BROX: variants seen among roughly 807,000 people sequenced by gnomAD.
The protein encoded by BROX is BRO1 domain-containing protein BROX.
A neutral mutation model predicts 61.0 loss-of-function variants in BROX; 53 were observed. The observed-to-expected ratio is 0.87, with a 90% CI of 0.70 to 1.09. The LOEUF is 1.09. Ranked by LOEUF, BROX falls within the 50% of genes least tolerant of loss-of-function variation. The pLI is 0.00. For synonymous variants in BROX, 152 were observed against 160.2 expected, an observed-to-expected ratio of 0.95 and a Z score of 0.38; for missense variants, 489 against 472.0, an observed-to-expected ratio of 1.04 and a Z score of -0.33.
intron 6 of BROX, 80 bp downstream of exon 6, chr1:222,724,244 GA>G: frequency 4.3e-6 from 5 of 1,159,298 alleles, no homozygotes; most frequent in Non-Finnish European, 6.2e-6. Context: ...AGGATATGGG[GA>G]AAGAATTGTT....
At chr1:222,725,191 C>G (rs1657409525) in intron 6 of BROX, among the ~76,000 whole-genome samples, 1 of 152,178 alleles carries the variant, frequency 6.6e-6, no homozygotes, top group South Asian at 2.1e-4. Context: ...GATAGTGTGA[C>G]TTGCGTATCT....
At chr1:222,717,992 C>A (rs1195854657) in intron 2 of BROX, 2 of 152,158 alleles carry the variant, frequency 1.3e-5, no homozygotes, top group Non-Finnish European at 2.9e-5. Flanking sequence ...GGAAGCCTCA[C>A]TAAGCTAATT....
chr1:222,733,322 C>G lies in BROX; in HGVS notation c.*608C>G, dbSNP rs1472695392. 6.6e-6 allele frequency: 1 copy of G among 152,302 alleles called. No homozygotes were observed. The highest frequency in any genetic ancestry group is 1.5e-5 in the Non-Finnish European group (1 of 68,206). The allele number at this position is 152,302 out of a possible 1,614,324, so 9.4% of individuals were successfully genotyped here. Reference sequence around the variant, plus strand: ...TCTCGAACTCCTGACCTCAGCTGATCTGCCCGCCTTGGCCTCCCAAAGTGC... The same window carrying G: ...TCTCGAACTCCTGACCTCAGCTGATGTGCCCGCCTTGGCCTCCCAAAGTGC... On this transcript the variant is annotated 3_prime_UTR_variant, in exon 13 of 13. Transcript: ENST00000340934.
chr1:222,732,541 C>G, intron 12 of BROX, 87 bp from the exon 13 acceptor site: 1 of 906,882 alleles, frequency 1.1e-6, no homozygotes, highest in African/African-American at 1.7e-5. Context: ...AATATAGCAT[C>G]TTTTAAAAGT....
rs1253694854 is a variant in BROX at position 222,725,516 on chromosome 1, G to C, written c.541G>C (p.Glu181Gln). 1 of 1,613,174 alleles carries C rather than the reference G, an allele frequency of 6.2e-7. No individual in the cohort carries two copies. The highest frequency in any genetic ancestry group is 1.7e-5 in the Admixed American group (1 of 59,856). ...KGRDLESRLI[E>Q]AYVIQCQAEA... ...AAGAGATTTAGAGTCACGACTCATAGAAGCATACGTTATTCAATGTCAGGC... is the reference window on the plus strand; with the variant it reads ...AAGAGATTTAGAGTCACGACTCATACAAGCATACGTTATTCAATGTCAGGC... Residue 181 changes from glutamate (E) to glutamine (Q), a missense_variant, in exon 7 of 13, where the codon GAA (glutamate) becomes CAA (glutamine). Coordinates refer to ENST00000340934, the MANE Select transcript of BROX (RefSeq NM_144695.4).
rs1656164774 is a variant in BROX, at chr1:222,712,866, CTT to C, written c.-89_-88del. 3.9e-6 allele frequency: 5 copies of C among 1,271,728 alleles called. No individual in the cohort carries two copies. The South Asian group carries it at 6.3e-5, about 16-fold the overall frequency. The allele number at this position is 1,271,728 out of a possible 1,614,324, so 78.8% of individuals were successfully genotyped here. ...TGTAGTCTCGGTTCTCCGACTCCCT[CTT>C]TTTCTCGCTTGTGGACTCCGATATA... On this transcript the variant is annotated 5_prime_UTR_variant, in exon 1 of 13. Coordinates refer to ENST00000340934, the MANE Select transcript of BROX (RefSeq NM_144695.4).
At position 222,731,481 on chromosome 1, in the gene BROX, G is replaced by T; in HGVS notation, c.1114G>T (p.Ala372Ser). The change falls in exon 12 of 13, where the codon GCA (alanine) becomes TCA (serine). Residue 372 changes from alanine (A) to serine (S), a missense_variant. By Grantham distance (99) the Ala-to-Ser change is moderately conservative. Coordinates refer to ENST00000340934, the MANE Select transcript of BROX (RefSeq NM_144695.4). The part of the protein sequence containing the change: ...SVQWTPETLA[A>S]FDLTKRPKDD... Reference sequence around the variant, plus strand: ...TCAGTGGACACCAGAAACATTGGCTGCATTTGATCTCACCAAAAGACCCAA... The same window carrying T: ...TCAGTGGACACCAGAAACATTGGCTTCATTTGATCTCACCAAAAGACCCAA... 6.3e-7 allele frequency: 1 copy of T among 1,599,768 alleles called. No homozygotes were observed. The highest frequency in any genetic ancestry group is 8.5e-7 in the Non-Finnish European group (1 of 1,176,016).
intron 5 of BROX, 150 bp downstream of exon 5, chr1:222,722,664 C>A: frequency 1.6e-6 from 1 of 629,390 alleles, no homozygotes; most frequent in Non-Finnish European, 2.7e-6. Flanking sequence ...AGAATTATGG[C>A]ACCTAGCGTT....
Position 222,729,627 on chromosome 1 carries a change from G to A in BROX, c.764G>A (p.Cys255Tyr), listed in dbSNP as rs776006106. The change falls in exon 10 of 13, where the codon TGT (cysteine) becomes TAT (tyrosine). Residue 255 changes from cysteine (C) to tyrosine (Y), a missense_variant. By Grantham distance (194) the Cys-to-Tyr change is radical (BLOSUM62 -2). Coordinates refer to ENST00000340934, the MANE Select transcript of BROX (RefSeq NM_144695.4). ...ATTTGTTTATTTCATCAGGCTTACT[G>A]TTACCATGGTGAGACTTTATTGGCT... ...KMCFYTAYAYCYHGETLLASD... is the reference protein window; with the variant it reads ...KMCFYTAYAYYYHGETLLASD... 11 of 1,612,542 alleles carry A rather than the reference G, an allele frequency of 6.8e-6. No homozygotes were observed. Among genetic ancestry groups the A allele is most frequent in the Non-Finnish European group, 9.3e-6 (11 of 1,178,866 alleles).
intron 1 of BROX, among the ~76,000 whole-genome samples, chr1:222,714,692 G>A (rs1314613234): frequency 2.6e-5 from 4 of 151,810 alleles, no homozygotes; most frequent in African/African-American, 9.7e-5. Flanking sequence ...TGGACTCAGG[G>A]GATCCTCCCT....
At chr1:222,716,044 C>A (rs771362404) in intron 2 of BROX, among the ~76,000 whole-genome samples, 3 of 152,166 alleles carry the variant, frequency 2.0e-5, no homozygotes, top group Middle Eastern at 3.2e-3. Context: ...TATATTACAA[C>A]AGTACAAGGG....
chr1:222,723,137 AT>A (rs1292472623), intron 5 of BROX, among the ~76,000 whole-genome samples: 1 of 152,236 alleles, frequency 6.6e-6, no homozygotes, highest in Non-Finnish European at 1.5e-5. Context: ...CTGATGTAAA[AT>A]TATCTCTAAA....
chr1:222,732,110 C>T (rs1408723380), intron 12 of BROX, among the ~76,000 whole-genome samples: 1 of 152,016 alleles, frequency 6.6e-6, no homozygotes, highest in Non-Finnish European at 1.5e-5. Context: ...AAAATTTATT[C>T]CTTAAAATAA....
chr1:222,722,155 C>A (rs1053297785), intron 4 of BROX, among the ~76,000 whole-genome samples: 2 of 152,168 alleles, frequency 1.3e-5, no homozygotes, highest in African/African-American at 2.4e-5. Context: ...ATTTTAAAAG[C>A]TGCTCTATGT....
chr1:222,719,291 C>G lies in BROX; in HGVS notation c.237C>G (p.Thr79=), dbSNP rs1313655595. 6.2e-7 allele frequency: 1 copy of G among 1,604,148 alleles called. No individual in the cohort carries two copies. Among genetic ancestry groups the G allele is most frequent in the African/African-American group, 1.3e-5 (1 of 74,614 alleles). ...QGFINSLDES[T]QESKLRYIQN... ...TCATAAATTCTTTGGATGAATCTAC[C>G]CAAGAAAGCAAGTTACGATATATTC... The change falls in exon 4 of 13, where the codon ACC becomes ACG. Residue 79 remains threonine, a synonymous_variant. Coordinates refer to ENST00000340934, the MANE Select transcript of BROX (RefSeq NM_144695.4).
chr1:222,719,286 T>G lies in BROX; in HGVS notation c.232T>G (p.Ser78Ala). 1.2e-6 allele frequency: 2 copies of G among 1,600,712 alleles called. No homozygotes were observed. The highest frequency in any genetic ancestry group is 1.7e-6 in the Non-Finnish European group (2 of 1,168,006). ...AGGTTTCATAAATTCTTTGGATGAATCTACCCAAGAAAGCAAGTTACGATA... is the reference window on the plus strand; with the variant it reads ...AGGTTTCATAAATTCTTTGGATGAAGCTACCCAAGAAAGCAAGTTACGATA... ...LQGFINSLDE[S>A]TQESKLRYIQ... Residue 78 changes from serine to alanine, a missense_variant, in exon 4 of 13, where the codon TCT becomes GCT. Ser to Ala is a moderately conservative substitution (Grantham distance 99, BLOSUM62 1). Coordinates refer to ENST00000340934, the MANE Select transcript of BROX (RefSeq NM_144695.4).
At position 222,734,557 on chromosome 1, in the gene BROX, A is replaced by G. The variant is rs1658164423; in HGVS notation, c.*1843A>G. 6.6e-6 allele frequency: 1 copy of G among 152,224 alleles called. No individual in the cohort carries two copies. The highest frequency in any genetic ancestry group is 1.5e-5 in the Non-Finnish European group (1 of 68,016). The allele number at this position is 152,224 out of a possible 1,614,324, so 9.4% of individuals were successfully genotyped here. A position where few individuals can be genotyped will look rare whatever the true frequency, so the allele number is the denominator to read the frequency against. The stretch of plus-strand genomic sequence containing the variant: ...GTATAATATTGATATTGGAAGCTGC[A>G]GTTTCCAGAATAAGTGGAGTAATAA... On this transcript the variant is annotated 3_prime_UTR_variant, in exon 13 of 13. Transcript: ENST00000340934.
chr1:222,713,072 T>C, intron 1 of BROX, 130 bp downstream of exon 1: 2 of 1,034,162 alleles, frequency 1.9e-6, no homozygotes, highest in Non-Finnish European at 2.3e-6. Flanking sequence ...AAAGTCTCCT[T>C]CTAGTGCCTT....
chr1:222,727,782 T>TAAG (rs1657618446), intron 8 of BROX, among the ~76,000 whole-genome samples: 1 of 152,200 alleles, frequency 6.6e-6, no homozygotes, highest in African/African-American at 2.4e-5. Context: ...TATCCTGAAG[T>TAAG]AAGACATCAC....
Sources: gnomAD v4.1 joint callset for allele counts (sites outside exome capture counted in the v4.1 genomes callset) on GRCh38, gnomAD v4.1.1 for gene constraint, MANE v1.5 for transcripts, NCBI Gene and HGNC (gene_info 2026-07-23, HGNC 2026-07-21) for gene names.